The following HYDIN variants were observed in gnomAD, a reference collection of about 807,000 sequenced individuals.
HYDIN encodes HYDIN axonemal central pair apparatus protein, also known as axonemal central pair apparatus protein HYDIN.
A neutral mutation model predicts 403.9 loss-of-function variants in HYDIN; 132 were observed. The observed-to-expected ratio is 0.33, with a 90% CI of 0.28 to 0.38. The LOEUF (loss-of-function observed/expected upper bound fraction) is 0.38. Ranked by LOEUF, HYDIN falls within the 10% of genes least tolerant of loss-of-function variation. HYDIN has a pLI of 1.00. For missense variants in HYDIN, 2,827 were observed against 5,009.5 expected, an observed-to-expected ratio of 0.56 and a Z score of 13.15; for synonymous variants, 1,202 against 1,891.7, an observed-to-expected ratio of 0.64 and a Z score of 9.46.
chr16:71,186,985 T>C, intron 1 of HYDIN, 67 bp from the exon 2 acceptor site: 3 of 1,060,496 alleles, frequency 2.8e-6, no homozygotes, highest in Non-Finnish European at 4.1e-6. Flanking sequence ...CATAATTTTT[T>C]TTAAGCTTTT....
intron 3 of HYDIN, among the ~76,000 whole-genome samples, chr16:71,183,516 A>G (rs894245162): frequency 2.6e-5 from 4 of 152,154 alleles, no homozygotes; most frequent in Admixed American, 6.6e-5. Context: ...CTTTGGGCAC[A>G]TGGGCTAAAA....
At chr16:71,163,829 T>C (rs1158033388) in intron 5 of HYDIN, among the ~76,000 whole-genome samples, 1 of 152,260 alleles carries the variant, frequency 6.6e-6, no homozygotes. Flanking sequence ...TAAGTGCTTA[T>C]TATTTTAAGC....
At chr16:71,227,756 G>A (rs1199887129) in intron 1 of HYDIN, among the ~76,000 whole-genome samples, 1 of 152,092 alleles carries the variant, frequency 6.6e-6, no homozygotes, top group Non-Finnish European at 1.5e-5. Flanking sequence ...TATAGATTCA[G>A]TGCCATCCCC....
intron 54 of HYDIN, among the ~76,000 whole-genome samples, chr16:70,895,073 T>A (rs1033156061): frequency 3.3e-5 from 5 of 150,798 alleles, no homozygotes; most frequent in Non-Finnish European, 7.4e-5. Flanking sequence ...AATGCTGCAA[T>A]AAAAGATCTT....
chr16:71,199,602 C>T (rs1331555874), intron 1 of HYDIN, among the ~76,000 whole-genome samples: 1 of 152,120 alleles, frequency 6.6e-6, no homozygotes, highest in African/African-American at 2.4e-5. Context: ...CTTCTAAAGC[C>T]TTGAAGCAAG....
intron 10 of HYDIN, among the ~76,000 whole-genome samples, chr16:71,110,071 G>A (rs1280959754): frequency 7.5e-6 from 1 of 133,238 alleles, no homozygotes; most frequent in Non-Finnish European, 1.6e-5. Context: ...GGGACGTCTG[G>A]AGAATTCTGC....
At chr16:71,099,704 AAATT>A (rs2083397203) in intron 10 of HYDIN, among the ~76,000 whole-genome samples, 1 of 135,548 alleles carries the variant, frequency 7.4e-6, no homozygotes, top group Non-Finnish European at 1.6e-5. Flanking sequence ...TAAATTTTTA[AAATT>A]AATAAGAGAG....
At chr16:71,028,631 G>C (rs2080799695) in intron 19 of HYDIN, among the ~76,000 whole-genome samples, 1 of 151,312 alleles carries the variant, frequency 6.6e-6, no homozygotes, top group South Asian at 2.1e-4. Context: ...TCTCGGGACT[G>C]TTTTTTATTT....
chr16:71,056,135 T>TTG (rs2081881711), intron 18 of HYDIN, among the ~76,000 whole-genome samples: 1 of 150,012 alleles, frequency 6.7e-6, no homozygotes, highest in Non-Finnish European at 1.5e-5. Flanking sequence ...TTGTTTTTTT[T>TTG]TTTTTTTTTT....
At chr16:70,834,901 T>TAC (rs527841442) in intron 78 of HYDIN, among the ~76,000 whole-genome samples, 2,169 of 146,172 alleles carry the variant, frequency 0.015, 68 homozygotes, top group African/African-American at 0.052. Context: ...TATATATATA[T>TAC]ACACACACAC....
chr16:71,126,119 C>T (rs555859557), intron 9 of HYDIN, among the ~76,000 whole-genome samples: 9 of 152,284 alleles, frequency 5.9e-5, no homozygotes, highest in South Asian at 2.1e-4. Context: ...TTGCAAGGAA[C>T]GCACATGACC....
chr16:70,803,369 A>T lies in HYDIN; in HGVS notation c.*4211T>A, dbSNP rs1489286704. Among the ~76,000 whole-genome samples, 1 of 152,180 alleles carries T rather than the reference A, an allele frequency of 6.6e-6. No homozygotes were observed. The highest frequency in any genetic ancestry group is 1.9e-4 in the East Asian group (1 of 5,198). Reference sequence around the variant, plus strand: ...AATTGAGCTAGCAGTGGTGGTAAAAATAAAGCCCAAAGGCTACCCTTGCCT... The same window carrying T: ...AATTGAGCTAGCAGTGGTGGTAAAATTAAAGCCCAAAGGCTACCCTTGCCT... On this transcript the variant is annotated 3_prime_UTR_variant, in exon 86 of 86. Coordinates refer to ENST00000393567, the MANE Select transcript of HYDIN (RefSeq NM_001270974.2).
intron 1 of HYDIN, among the ~76,000 whole-genome samples, chr16:71,200,147 TG>T (rs1265464216): frequency 6.6e-6 from 1 of 152,202 alleles, no homozygotes; most frequent in Non-Finnish European, 1.5e-5. Flanking sequence ...TTACCGTATA[TG>T]GTCTAAAAAG....
chr16:70,819,507 A>T (rs1257392829), intron 83 of HYDIN, among the ~76,000 whole-genome samples: 1 of 145,612 alleles, frequency 6.9e-6, no homozygotes, highest in Non-Finnish European at 1.5e-5. Flanking sequence ...ATTTGAACCC[A>T]GGTTAGACTG....
chr16:70,940,405 A>G (rs2143876647), intron 43 of HYDIN, among the ~76,000 whole-genome samples: 1 of 152,188 alleles, frequency 6.6e-6, no homozygotes, highest in African/African-American at 2.4e-5. Context: ...GAGATTAAAT[A>G]AGCGATCATG....
At chr16:70,944,434 T>C (rs541261536) in intron 41 of HYDIN, among the ~76,000 whole-genome samples, 1 of 152,280 alleles carries the variant, frequency 6.6e-6, no homozygotes, top group Admixed American at 6.5e-5. Context: ...GGAAAGACTA[T>C]GTAGAGAGGA....
At chr16:70,820,336 A>G (rs2036171966) in intron 83 of HYDIN, among the ~76,000 whole-genome samples, 1 of 149,780 alleles carries the variant, frequency 6.7e-6, no homozygotes, top group Non-Finnish European at 1.5e-5. Flanking sequence ...GACTACAGGC[A>G]CCCACCACCA....
At chr16:71,002,015 T>TA (rs1160586031) in intron 23 of HYDIN, among the ~76,000 whole-genome samples, 1 of 152,252 alleles carries the variant, frequency 6.6e-6, no homozygotes, top group Admixed American at 6.5e-5. Flanking sequence ...TTCTGTGAAA[T>TA]ACCTGCTCAT....
intron 41 of HYDIN, among the ~76,000 whole-genome samples, chr16:70,945,485 G>C (rs1364624000): frequency 6.6e-6 from 1 of 152,194 alleles, no homozygotes; most frequent in Non-Finnish European, 1.5e-5. Context: ...GCTGGCAATA[G>C]AATTTCGAGA....
Sources: allele counts gnomAD v4.1 joint callset (sites outside exome capture counted in the v4.1 genomes callset), GRCh38; gene constraint gnomAD v4.1.1; transcripts MANE v1.5; gene names NCBI Gene and HGNC (gene_info 2026-07-23, HGNC 2026-07-21).